Variants in ATCAY observed in about 807,000 individuals in gnomAD.
ATCAY encodes ATCAY kinesin light chain interacting caytaxin.
ATCAY carries 22 observed loss-of-function variants against 47.7 expected under a neutral mutation model. That is an observed-to-expected ratio of 0.46 (90% CI 0.33 to 0.66). The LOEUF (loss-of-function observed/expected upper bound fraction) is 0.66, where lower values mean the gene tolerates loss of function less well. Among genes scored for constraint, ATCAY ranks in the 30% least tolerant of loss-of-function variants. The pLI, the probability that ATCAY is intolerant of heterozygous loss-of-function variation, is 0.02. For synonymous variants in ATCAY, 216 were observed against 207.6 expected (o/e 1.04, Z -0.35); for missense variants, 452 against 515.0 (o/e 0.88, Z 1.18).
chr19:3,923,761 T>C (rs1246439184), intron 12 of ATCAY, among the ~76,000 whole-genome samples: 2 of 103,648 alleles, frequency 1.9e-5, no homozygotes, highest in Admixed American at 2.7e-4. Context: ...GGTAGATGGA[T>C]GGGTGAGTGG....
Position 3,885,857 on chromosome 19 carries a change from C to T in ATCAY, c.77+13C>T, listed in dbSNP as rs760237730. On this transcript the variant is annotated intron_variant, in intron 2 of 12. Transcript: ENST00000450849. Reference sequence around the variant, plus strand: ...AAGATCTTCCCAGGTAGGACTTCCACATCCCTGAGTCAACCGTTGGGGGAG... The same window carrying T: ...AAGATCTTCCCAGGTAGGACTTCCATATCCCTGAGTCAACCGTTGGGGGAG... The T allele has an allele frequency of 1.9e-6, 3 of 1,551,288 alleles. No individual in the cohort carries two copies. The South Asian group carries it at 3.6e-5, about 18-fold the overall frequency.
rs1015022955 is a variant in ATCAY at position 3,907,088 on chromosome 19, C to T, written c.359-646C>T. 7.4e-5 allele frequency among the ~76,000 whole-genome samples: 11 copies of T among 148,966 alleles called. No individual in the cohort carries two copies. The highest frequency in any genetic ancestry group is 3.6e-3 in the Middle Eastern group (1 of 280). ...GGCAGAGGCTGCAGTGAGCAGAGAT[C>T]GCACCACTCCACTCCAGCCTGGGCG... On this transcript the variant is annotated intron_variant, in intron 4 of 12. Coordinates refer to ENST00000450849, the MANE Select transcript of ATCAY (RefSeq NM_033064.5). This position sits in a 1 kb window ranked among gnomAD's most constrained non-coding sequence, Gnocchi z 5.1.
chr19:3,904,458 C>T (rs2038842513), intron 3 of ATCAY, among the ~76,000 whole-genome samples: 1 of 152,210 alleles, frequency 6.6e-6, no homozygotes. Flanking sequence ...TTCCCCCAGG[C>T]AGAGACAATT....
intron 2 of ATCAY, among the ~76,000 whole-genome samples, chr19:3,893,878 A>C (rs1468624187): frequency 2.9e-4 from 33 of 115,366 alleles, no homozygotes; most frequent in Admixed American, 3.6e-4. Context: ...TCCTCCAACC[A>C]CTCCCTCCTC....
In ATCAY at chr19:3,924,757, T is replaced by C. The variant is rs2039052124; in HGVS notation, c.*165T>C. 1 of 670,848 alleles carries C rather than the reference T, an allele frequency of 1.5e-6. No individual in the cohort carries two copies. The highest frequency in any genetic ancestry group is 2.4e-6 in the Non-Finnish European group (1 of 409,756). The allele number at this position is 670,848 out of a possible 1,614,324, so 41.6% of individuals were successfully genotyped here. On this transcript the variant is annotated 3_prime_UTR_variant, in exon 13 of 13. Transcript: ENST00000450849. ...TCTGAAACCCAGCATCCTTTTCAGCTGCTTGAAAACATTGTATTTTTTTTT... is the reference window on the plus strand; with the variant it reads ...TCTGAAACCCAGCATCCTTTTCAGCCGCTTGAAAACATTGTATTTTTTTTT...
intron 3 of ATCAY, 31 bp from the exon 4 acceptor site, chr19:3,905,403 G>C: frequency 6.5e-7 from 1 of 1,547,494 alleles, no homozygotes; most frequent in Non-Finnish European, 8.8e-7. Flanking sequence ...AGAAAGCAAA[G>C]ATGTTTTCCA....
chr19:3,906,415 G>GC (rs1227220758), intron 4 of ATCAY, among the ~76,000 whole-genome samples: 2 of 149,814 alleles, frequency 1.3e-5, no homozygotes, highest in African/African-American at 4.9e-5. Context: ...CGATTCTTTT[G>GC]CCTCAGCCTC....
rs1399378276 is a variant in ATCAY at position 3,924,684 on chromosome 19, C to G, written c.*92C>G. 1 of 1,429,428 alleles carries G rather than the reference C, an allele frequency of 7.0e-7. No individual in the cohort carries two copies. Among genetic ancestry groups the G allele is most frequent in the Non-Finnish European group, 9.7e-7 (1 of 1,027,146 alleles). The allele number at this position is 1,429,428 out of a possible 1,614,324, so 88.5% of individuals were successfully genotyped here. A position where few individuals can be genotyped will look rare whatever the true frequency, so the allele number is the denominator to read the frequency against. On this transcript the variant is annotated 3_prime_UTR_variant, in exon 13 of 13. Coordinates refer to ENST00000450849, the MANE Select transcript of ATCAY (RefSeq NM_033064.5). ...CCACTGGCCCCAGATCTCATCCTGC[C>G]TCATCCTGAGTCCCAATCTTCCAAG...
Position 3,920,767 on chromosome 19 carries a change from T to G in ATCAY, c.1075T>G (p.Ser359Ala). ...CCAGTCTCCGTCTCTCCTCCACAGG[T>G]CTGCTCTGGTCTCAGAAGATCAGGA... is the stretch of plus-strand genomic sequence containing the variant. ...KPEVAPVENR[S>A]ALVSEDQETS... is the part of the protein sequence containing the mutation. The change falls in exon 12 of 13, where the codon TCT becomes GCT. Residue 359 changes from serine to alanine, a missense_variant and splice_region_variant. Ser to Ala is a moderately conservative substitution (Grantham distance 99). Coordinates refer to ENST00000450849, the MANE Select transcript of ATCAY (RefSeq NM_033064.5). 1 of 1,613,530 alleles carries G rather than the reference T, an allele frequency of 6.2e-7. No homozygotes were observed. The highest frequency in any genetic ancestry group is 1.1e-5 in the South Asian group (1 of 91,038).
chr19:3,909,392 C>T (rs2038902574), intron 6 of ATCAY, 94 bp from the exon 7 acceptor site: 7 of 1,458,132 alleles, frequency 4.8e-6, no homozygotes, highest in Admixed American at 3.8e-5. Context: ...ACCCAGCCAG[C>T]GGCAGGAGTG....
chr19:3,914,106 G>T (rs2038945749), intron 9 of ATCAY, among the ~76,000 whole-genome samples: 1 of 151,572 alleles, frequency 6.6e-6, no homozygotes, highest in African/African-American at 2.4e-5. Flanking sequence ...CGTGGTGGCG[G>T]GCGCCTGTAG....
At chr19:3,914,217 C>T (rs139315957) in intron 9 of ATCAY, among the ~76,000 whole-genome samples, 3,478 of 111,406 alleles carry the variant, frequency 0.031, 158 homozygotes, top group African/African-American at 0.13. Context: ...GCCTGGGCCA[C>T]AGAGCGAGAC....
intron 3 of ATCAY, among the ~76,000 whole-genome samples, chr19:3,904,475 G>A (rs920024872): frequency 6.6e-6 from 1 of 152,248 alleles, no homozygotes; most frequent in East Asian, 1.9e-4. Flanking sequence ...AATTCTGCCT[G>A]CGGACGGTTT....
chr19:3,909,769 G>A, intron 7 of ATCAY, among the ~76,000 whole-genome samples, 152 bp downstream of exon 7: 1 of 151,756 alleles, frequency 6.6e-6, no homozygotes, highest in East Asian at 1.9e-4. Context: ...CCTGGGCAAC[G>A]CAGCAAGACG....
At chr19:3,911,357 C>A (rs1053211369) in intron 8 of ATCAY, among the ~76,000 whole-genome samples, 1 of 151,946 alleles carries the variant, frequency 6.6e-6, no homozygotes, top group African/African-American at 2.4e-5. Context: ...CAGAGTGAGA[C>A]CCTGTCTCAA....
At chr19:3,881,873 C>CA (rs1258850482) in intron 1 of ATCAY, among the ~76,000 whole-genome samples, 3 of 146,202 alleles carry the variant, frequency 2.1e-5, no homozygotes, top group African/African-American at 5.1e-5. Flanking sequence ...ACCGCCCCCC[C>CA]CCCGACCCCA....
chr19:3,910,493 G>A (rs2145252423), intron 7 of ATCAY, among the ~76,000 whole-genome samples: 1 of 152,142 alleles, frequency 6.6e-6, no homozygotes, highest in Non-Finnish European at 1.5e-5. Context: ...TCCCTCCTAG[G>A]GCATTAGGTG....
intron 2 of ATCAY, among the ~76,000 whole-genome samples, chr19:3,887,488 T>TTTAC (rs2038668784): frequency 6.6e-6 from 1 of 150,524 alleles, no homozygotes; most frequent in African/African-American, 2.4e-5. Context: ...ATTTTATTTA[T>TTTAC]TTATTTATTT....
rs1384425556 is a variant in ATCAY at position 3,924,598 on chromosome 19, C to T, written c.*6C>T. The T allele has an allele frequency of 5.6e-6, 9 of 1,613,682 alleles. No individual in the cohort carries two copies. Among genetic ancestry groups the T allele is most frequent in the Admixed American group, 1.7e-5 (1 of 59,950 alleles). ...CCCTCCCTAGCATGTCCTGAGGCGA[C>T]GTGAGCATAACAAAGGACATGGAAG... is the stretch of plus-strand genomic sequence containing the variant. On this transcript the variant is annotated 3_prime_UTR_variant, in exon 13 of 13. Coordinates refer to ENST00000450849, the MANE Select transcript of ATCAY (RefSeq NM_033064.5).
Sources: gnomAD v4.1 joint callset for allele counts (sites outside exome capture counted in the v4.1 genomes callset) on GRCh38, gnomAD v4.1.1 for gene constraint, Gnocchi (gnomAD v3.1) non-coding constraint, MANE v1.5 for transcripts, NCBI Gene and HGNC (gene_info 2026-07-23, HGNC 2026-07-21) for gene names.